Variants in ESRRB observed in about 807,000 individuals in gnomAD.
The protein encoded by ESRRB is estrogen related receptor beta.
Under a neutral mutation model 46.0 loss-of-function variants are expected in ESRRB, and 16 were observed. The observed-to-expected ratio is 0.35, with a 90% CI of 0.24 to 0.53. The LOEUF is 0.53. Ranked by LOEUF, ESRRB falls within the 20% of genes least tolerant of loss-of-function variation. The probability of loss-of-function intolerance (pLI) is 0.93; values close to 1 mark genes in which losing one functional copy is unlikely to be tolerated. For synonymous variants in ESRRB, 246 were observed against 259.6 expected, an observed-to-expected ratio of 0.95 and a Z score of 0.50; for missense variants, 488 against 607.4, an observed-to-expected ratio of 0.80 and a Z score of 2.07.
intron 1 of ESRRB, among the ~76,000 whole-genome samples, chr14:76,336,605 G>A (rs2139746277): frequency 6.6e-6 from 1 of 152,236 alleles, no homozygotes; most frequent in Non-Finnish European, 1.5e-5. Context: ...TTCCTGCTGG[G>A]GTGACAGAAA....
intron 1 of ESRRB, among the ~76,000 whole-genome samples, 170 bp from the exon 2 acceptor site, chr14:76,439,171 A>G (rs940626892): frequency 2.0e-5 from 3 of 152,180 alleles, no homozygotes; most frequent in Admixed American, 1.3e-4. Flanking sequence ...AATGCCAGAA[A>G]CTTGCTCCCG....
intron 3 of ESRRB, among the ~76,000 whole-genome samples, chr14:76,480,202 T>C (rs1417515052): frequency 6.6e-6 from 1 of 152,126 alleles, no homozygotes; most frequent in African/African-American, 2.4e-5. Flanking sequence ...GGCTGCTGAG[T>C]AGACTCCCCC....
chr14:76,319,679 C>T (rs1212818875), intron 1 of ESRRB, among the ~76,000 whole-genome samples: 1 of 152,132 alleles, frequency 6.6e-6, no homozygotes. Flanking sequence ...GGGAAAAGAC[C>T]ACAAGATGGA....
At chr14:76,404,201 C>T (rs933993688) in intron 1 of ESRRB, among the ~76,000 whole-genome samples, 6 of 152,066 alleles carry the variant, frequency 3.9e-5, no homozygotes, top group South Asian at 2.1e-4. Flanking sequence ...TGCGCGCGTG[C>T]GTGTGTCTTC....
intron 1 of ESRRB, among the ~76,000 whole-genome samples, chr14:76,317,515 C>T (rs1313492324): frequency 6.6e-6 from 1 of 152,112 alleles, no homozygotes; most frequent in Non-Finnish European, 1.5e-5. Flanking sequence ...TGGGGGAAGG[C>T]ACAATGAAGG....
chr14:76,332,914 T>TAA, intron 1 of ESRRB, among the ~76,000 whole-genome samples: 1 of 45,658 alleles, frequency 2.2e-5, no homozygotes, highest in African/African-American at 9.1e-5. Context: ...TACTTATATA[T>TAA]TATATATATT....
chr14:76,444,286 G>T (rs1247512098), intron 2 of ESRRB, among the ~76,000 whole-genome samples: 1 of 152,092 alleles, frequency 6.6e-6, no homozygotes, highest in African/African-American at 2.4e-5. Context: ...TCCCACCTTG[G>T]CCTCCCAAAG....
At chr14:76,495,779 A>T (rs931557497) in intron 6 of ESRRB, among the ~76,000 whole-genome samples, 9 of 152,182 alleles carry the variant, frequency 5.9e-5, no homozygotes, top group Non-Finnish European at 1.3e-4. Flanking sequence ...TAAAAACCAG[A>T]TGTACAAAAC....
chr14:76,469,667 G>A (rs547621317), intron 3 of ESRRB, among the ~76,000 whole-genome samples: 34 of 151,726 alleles, frequency 2.2e-4, no homozygotes, highest in South Asian at 1.7e-3. Context: ...GGGTCACCAC[G>A]CCCAGCCAAA....
At chr14:76,488,313 AAG>A (rs914354330) in intron 5 of ESRRB, among the ~76,000 whole-genome samples, 2 of 152,090 alleles carry the variant, frequency 1.3e-5, no homozygotes, top group Non-Finnish European at 2.9e-5. Flanking sequence ...TTCAGGGAGG[AAG>A]AGAGTGATCA....
chr14:76,412,923 C>T (rs1487589644), intron 1 of ESRRB, among the ~76,000 whole-genome samples: 1 of 152,066 alleles, frequency 6.6e-6, no homozygotes, highest in Non-Finnish European at 1.5e-5. Context: ...CAACACCAGT[C>T]TGGGCAACAT....
At chr14:76,344,058 G>A (rs908869756) in intron 1 of ESRRB, among the ~76,000 whole-genome samples, 2 of 152,190 alleles carry the variant, frequency 1.3e-5, no homozygotes, top group Admixed American at 6.5e-5. Flanking sequence ...TGGTGCCTGC[G>A]GCAATAATTA....
At chr14:76,462,459 A>T in intron 2 of ESRRB, 86 bp from the exon 3 acceptor site, 3 of 1,000,862 alleles carry the variant, frequency 3.0e-6, no homozygotes, top group Non-Finnish European at 3.1e-6. Context: ...CTGGCAAATT[A>T]AAATCCCCAT....
intron 2 of ESRRB, among the ~76,000 whole-genome samples, chr14:76,455,804 G>A (rs1888580328): frequency 6.6e-6 from 1 of 152,106 alleles, no homozygotes. Flanking sequence ...AGCACTTTGG[G>A]AAGCTGAGGC....
At chr14:76,438,205 G>C (rs1396876141) in intron 1 of ESRRB, among the ~76,000 whole-genome samples, 1 of 152,148 alleles carries the variant, frequency 6.6e-6, no homozygotes. Flanking sequence ...CCAAAGGGCA[G>C]CCAATCTGGC....
At chr14:76,350,632 A>G (rs1884302800) in intron 1 of ESRRB, among the ~76,000 whole-genome samples, 1 of 152,212 alleles carries the variant, frequency 6.6e-6, no homozygotes, top group Non-Finnish European at 1.5e-5. Context: ...AAGCAAATCA[A>G]TATTCTGTCT....
intron 1 of ESRRB, among the ~76,000 whole-genome samples, chr14:76,410,527 G>T (rs1886390092): frequency 6.6e-6 from 1 of 152,056 alleles, no homozygotes; most frequent in Non-Finnish European, 1.5e-5. Context: ...ATCCCTCCAA[G>T]AAACCTGCAG....
rs543393862 is a variant in ESRRB at position 76,330,726 on chromosome 14, C to T, written c.2+19810C>T. Among the ~76,000 whole-genome samples the T allele has an allele frequency of 2.6e-5, 4 of 152,176 alleles. No homozygotes were observed. The South Asian group carries it at 8.3e-4, about 32-fold the overall frequency. ...AACACAGGTATGGAGGAAGCAAGGG[C>T]GCTGTCCCTGGTGGAGGAAACCTTG... On this transcript the variant is annotated intron_variant, in intron 1 of 6. Coordinates refer to the ESRRB transcript ENST00000512784.
At chr14:76,367,637 G>C (rs1489522785), upstream of ESRRB, among the ~76,000 whole-genome samples, 1 of 151,988 alleles carries the variant, frequency 6.6e-6, no homozygotes, top group Non-Finnish European at 1.5e-5. Flanking sequence ...CTGCCCTCCT[G>C]AACTTCTGGG....
Sources: gnomAD v4.1 joint callset for allele counts (sites outside exome capture counted in the v4.1 genomes callset) on GRCh38, gnomAD v4.1.1 for gene constraint, MANE v1.5 for transcripts, NCBI Gene and HGNC (gene_info 2026-07-23, HGNC 2026-07-21) for gene names.